TMEM131L: variants seen among roughly 807,000 people sequenced by gnomAD.
TMEM131L encodes the protein transmembrane 131 like.
Under a neutral mutation model 192.2 loss-of-function variants are expected in TMEM131L, and 54 were observed. The observed-to-expected ratio is 0.28, with a 90% confidence interval of 0.23 to 0.35. TMEM131L has a LOEUF of 0.35. TMEM131L is among the 10% of genes least tolerant of loss of function. The probability of loss-of-function intolerance (pLI) is 1.00; values close to 1 mark genes in which losing one functional copy is unlikely to be tolerated. For synonymous variants in TMEM131L, 701 were observed against 704.9 expected, an observed-to-expected ratio of 0.99 and a Z score of 0.09; for missense variants, 1,888 against 1,972.9, an observed-to-expected ratio of 0.96 and a Z score of 0.82.
At chr4:153,513,563 G>T (rs1281711762) in intron 3 of TMEM131L, among the ~76,000 whole-genome samples, 1 of 152,174 alleles carries the variant, frequency 6.6e-6, no homozygotes, top group Non-Finnish European at 1.5e-5. Context: ...GTCATAGCAT[G>T]AAAATATTTA....
In TMEM131L at chr4:153,558,356, G is replaced by C. The variant is rs763843224; in HGVS notation, c.648G>C (p.Leu216=). ...TTCCAAAGGTCCAGAGCATTCAGCT[G>C]TCTCAAATGCAGGTCATTTTAATAG... ...FLLPKVQSIQ[L]SQMQAETTNT... The change falls in exon 7 of 35, where the codon CTG becomes CTC. Residue 216 remains leucine, a synonymous_variant. Coordinates refer to ENST00000409959, the MANE Select transcript of TMEM131L (RefSeq NM_001131007.2). 31 of 1,598,200 alleles carry C rather than the reference G, an allele frequency of 1.9e-5. No homozygotes were observed. The highest frequency in any genetic ancestry group is 1.7e-4 in the Middle Eastern group (1 of 6,008).
At chr4:153,503,335 A>G (rs1375439878) in intron 3 of TMEM131L, among the ~76,000 whole-genome samples, 1 of 152,172 alleles carries the variant, frequency 6.6e-6, no homozygotes, top group Non-Finnish European at 1.5e-5. Context: ...AAATTGTACA[A>G]AGATAGGACA....
At chr4:153,522,547 T>C (rs1419317150) in intron 3 of TMEM131L, among the ~76,000 whole-genome samples, 1 of 152,162 alleles carries the variant, frequency 6.6e-6, no homozygotes, top group Non-Finnish European at 1.5e-5. Flanking sequence ...TCATGCTATT[T>C]CTGCCAGAAC....
intron 31 of TMEM131L, among the ~76,000 whole-genome samples, chr4:153,631,138 A>G (rs373167589): frequency 3.0e-4 from 45 of 152,328 alleles, no homozygotes; most frequent in African/African-American, 1.0e-3. Flanking sequence ...TCAGTTCTGC[A>G]TGGTGGGCAT....
chr4:153,477,320 T>C (rs1731611211), intron 3 of TMEM131L, among the ~76,000 whole-genome samples: 1 of 152,148 alleles, frequency 6.6e-6, no homozygotes, highest in Non-Finnish European at 1.5e-5. Flanking sequence ...TTGATACCAC[T>C]CTGGAGCTCG....
chr4:153,467,121 G>A (rs2149689913), intron 1 of TMEM131L, 90 bp from the exon 2 acceptor site: 1 of 1,266,726 alleles, frequency 7.9e-7, no homozygotes, highest in South Asian at 1.3e-5. Context: ...GTTTTGGTGA[G>A]GCGGGGGGCA....
chr4:153,520,276 G>C (rs1005673369), intron 3 of TMEM131L, among the ~76,000 whole-genome samples: 5 of 151,944 alleles, frequency 3.3e-5, no homozygotes, highest in African/African-American at 9.7e-5. Flanking sequence ...GCAACATAGG[G>C]AGACCCCACC....
intron 25 of TMEM131L, among the ~76,000 whole-genome samples, chr4:153,610,558 A>G (rs1578861589): frequency 6.6e-6 from 1 of 152,324 alleles, no homozygotes; most frequent in Middle Eastern, 3.4e-3. Context: ...ATTACTTTAC[A>G]AGGTGTGTGC....
intron 19 of TMEM131L, 103 bp downstream of exon 19, chr4:153,593,974 T>G (rs1353250591): frequency 2.7e-6 from 2 of 754,430 alleles, no homozygotes; most frequent in African/African-American, 1.8e-5. Flanking sequence ...ATTTACTATA[T>G]ATGGCTCTTT....
intron 2 of TMEM131L, 27 bp downstream of exon 2, chr4:153,467,308 C>T: frequency 6.5e-7 from 1 of 1,545,606 alleles, no homozygotes; most frequent in Non-Finnish European, 8.8e-7. Flanking sequence ...GACAGGGCGG[C>T]TGTGGGTGTA....
intron 7 of TMEM131L, among the ~76,000 whole-genome samples, chr4:153,560,007 C>T (rs376237537): frequency 7.2e-5 from 11 of 152,200 alleles, no homozygotes; most frequent in Admixed American, 6.5e-4. Context: ...ATGTTCTCAA[C>T]CTCCACCTCC....
intron 7 of TMEM131L, among the ~76,000 whole-genome samples, chr4:153,566,522 T>TGA (rs1401532559): frequency 2.4e-5 from 3 of 125,266 alleles, no homozygotes; most frequent in South Asian, 2.3e-4. Context: ...AGTGTGAGTG[T>TGA]GTGTGTGTGT....
At position 153,542,708 on chromosome 4, in the gene TMEM131L, T is replaced by C. The variant is rs1736884675; in HGVS notation, c.240-7365T>C. 2.0e-5 allele frequency among the ~76,000 whole-genome samples: 3 copies of C among 152,306 alleles called. No homozygotes were observed. The South Asian group carries it at 6.2e-4, about 32-fold the overall frequency. ...TTGGCTTCAAAGGGAAGAAGAGGAC[T>C]TGAAGCGGCTAGGGAAGGTGAAGAA... On this transcript the variant is annotated intron_variant, in intron 3 of 34. Transcript: ENST00000409959.
rs1283495755 is a variant in TMEM131L at position 153,492,685 on chromosome 4, T to G, written c.239+18797T>G. 2.0e-5 allele frequency among the ~76,000 whole-genome samples: 3 copies of G among 152,222 alleles called. No homozygotes were observed. In the East Asian group the frequency reaches 5.8e-4, roughly 29 times the overall value. On this transcript the variant is annotated intron_variant, in intron 3 of 34. Transcript: ENST00000409959. The stretch of plus-strand genomic sequence containing the variant: ...CTGTGCTCTGAAGGAATGTATATAG[T>G]TTTAAGAGAAGGAACATGTGACTTG...
At chr4:153,556,846 G>GATAA (rs145355371) in intron 5 of TMEM131L, 120 bp from the exon 6 acceptor site, 12 of 481,048 alleles carry the variant, frequency 2.5e-5, no homozygotes, top group Non-Finnish European at 4.2e-5. Context: ...TCATAATACT[G>GATAA]ATAAGGGTGC....
chr4:153,617,339 C>T (rs562278122), intron 26 of TMEM131L, among the ~76,000 whole-genome samples: 19 of 152,316 alleles, frequency 1.2e-4, no homozygotes, highest in African/African-American at 4.1e-4. Context: ...ATGTCTTTAT[C>T]AGCAGCGTGA....
At chr4:153,468,316 G>C (rs533024897) in intron 2 of TMEM131L, among the ~76,000 whole-genome samples, 53 of 152,272 alleles carry the variant, frequency 3.5e-4, no homozygotes, top group South Asian at 8.3e-4. Flanking sequence ...TTTTAGAGGA[G>C]AATTTTCCTG....
At chr4:153,631,871 C>T (rs1734234695) in intron 31 of TMEM131L, among the ~76,000 whole-genome samples, 1 of 152,218 alleles carries the variant, frequency 6.6e-6, no homozygotes, top group African/African-American at 2.4e-5. Context: ...TGTTTGAACT[C>T]CCCAGGCACA....
At chr4:153,622,773 T>C in intron 28 of TMEM131L, 125 bp from the exon 29 acceptor site, 2 of 867,942 alleles carry the variant, frequency 2.3e-6, no homozygotes, top group Non-Finnish European at 3.8e-6. Context: ...CCTTTCTTGC[T>C]AGATGAGCAG....
Sources: allele counts gnomAD v4.1 joint callset (sites outside exome capture counted in the v4.1 genomes callset), GRCh38; gene constraint gnomAD v4.1.1; transcripts MANE v1.5; gene names NCBI Gene and HGNC (gene_info 2026-07-23, HGNC 2026-07-21).